Variants in SGIP1 observed in about 807,000 individuals in gnomAD.
The protein encoded by SGIP1 is SH3-containing GRB2-like protein 3-interacting protein 1.
SGIP1 carries 38 observed loss-of-function variants against 107.5 expected under a neutral mutation model. That is an observed-to-expected ratio of 0.35 (90% CI 0.27 to 0.46). The LOEUF (loss-of-function observed/expected upper bound fraction) is 0.46, where lower values mean the gene tolerates loss of function less well. Ranked by LOEUF, SGIP1 falls within the 20% of genes least tolerant of loss-of-function variation. SGIP1 has a pLI of 1.00. For synonymous variants in SGIP1, 365 were observed against 366.1 expected (o/e 1.00, Z 0.03); for missense variants, 929 against 1,019.5 (o/e 0.91, Z 1.21).
chr1:66,643,565 AT>A lies in SGIP1; in HGVS notation c.307del (p.Ser103LeufsTer34). ...EPGSTKGKHFYSSSESEEEEE... is the reference protein window; with the variant it reads ...EPGSTKGKHFXSSSESEEEEE... Reference sequence around the variant, plus strand: ...CTACCTACCAAAGGAAAGCACTTTTATTCTTCAAGTGAATCGGAAGAAGAAG... The same window carrying A: ...CTACCTACCAAAGGAAAGCACTTTTATCTTCAAGTGAATCGGAAGAAGAAG... On this transcript the variant is annotated frameshift_variant, in exon 7 of 25. Coordinates refer to ENST00000371037, the MANE Select transcript of SGIP1 (RefSeq NM_032291.4). LOFTEE classifies it high-confidence loss of function. 6.2e-7 allele frequency: 1 copy of A among 1,608,892 alleles called. No individual in the cohort carries two copies. Among genetic ancestry groups the A allele is most frequent in the Non-Finnish European group, 8.5e-7 (1 of 1,178,068 alleles).
intron 7 of SGIP1, among the ~76,000 whole-genome samples, chr1:66,659,152 A>C (rs80068226): frequency 1.3e-5 from 2 of 152,292 alleles, no homozygotes; most frequent in East Asian, 3.9e-4. Flanking sequence ...TTAAGGGCAG[A>C]ATGATATATT....
At chr1:66,658,561 G>A (rs2080247220) in intron 7 of SGIP1, among the ~76,000 whole-genome samples, 1 of 152,136 alleles carries the variant, frequency 6.6e-6, no homozygotes, top group African/African-American at 2.4e-5. Flanking sequence ...TCAAACATTT[G>A]TATAATGTTT....
intron 1 of SGIP1, among the ~76,000 whole-genome samples, chr1:66,571,912 T>C (rs757526068): frequency 1.3e-5 from 2 of 152,064 alleles, no homozygotes; most frequent in Admixed American, 1.3e-4. Flanking sequence ...CCTAAAGTCA[T>C]AGCACAAAAT....
intron 2 of SGIP1, among the ~76,000 whole-genome samples, chr1:66,626,393 C>T (rs1424887524): frequency 6.6e-6 from 1 of 152,036 alleles, no homozygotes; most frequent in African/African-American, 2.4e-5. Flanking sequence ...AATTGTAAAT[C>T]AACCAACAGA....
intron 11 of SGIP1, among the ~76,000 whole-genome samples, chr1:66,673,007 A>T (rs2084210873): frequency 6.6e-6 from 1 of 152,106 alleles, no homozygotes; most frequent in Non-Finnish European, 1.5e-5. Context: ...TGAAAGAGTT[A>T]TTCTCCTTCA....
intron 1 of SGIP1, among the ~76,000 whole-genome samples, chr1:66,597,221 C>T (rs2064881822): frequency 6.6e-6 from 1 of 152,226 alleles, no homozygotes; most frequent in East Asian, 1.9e-4. Flanking sequence ...AACCTCCACC[C>T]TGAAGTAGGC....
At position 66,660,498 on chromosome 1, in the gene SGIP1, T is replaced by C. The variant is rs1196228433; in HGVS notation, c.460-15T>C. The C allele has an allele frequency of 6.2e-7, 1 of 1,608,892 alleles. No individual in the cohort carries two copies. Among genetic ancestry groups the C allele is most frequent in the African/African-American group, 1.3e-5 (1 of 74,910 alleles). On this transcript the variant is annotated splice_polypyrimidine_tract_variant and intron_variant, in intron 7 of 24. Coordinates refer to ENST00000371037, the MANE Select transcript of SGIP1 (RefSeq NM_032291.4). ...ATTTTCTCTTTATTCTTCCTCCCCA[T>C]GCCTACGCTTTTAGAGGAAAAGTCC... is the stretch of plus-strand genomic sequence containing the variant.
At chr1:66,713,553 A>G (rs571548882) in intron 18 of SGIP1, among the ~76,000 whole-genome samples, 9 of 152,154 alleles carry the variant, frequency 5.9e-5, no homozygotes, top group Non-Finnish European at 1.2e-4. Flanking sequence ...GTAAATTATT[A>G]TTAACAGCAA....
At chr1:66,669,041 T>A (rs192841871) in intron 9 of SGIP1, among the ~76,000 whole-genome samples, 1 of 152,362 alleles carries the variant, frequency 6.6e-6, no homozygotes, top group East Asian at 1.9e-4. Flanking sequence ...GACTTTCTTT[T>A]CTGTTGCTGC....
chr1:66,641,157 A>G (rs1275888954), intron 5 of SGIP1, among the ~76,000 whole-genome samples: 1 of 152,212 alleles, frequency 6.6e-6, no homozygotes, highest in Non-Finnish European at 1.5e-5. Flanking sequence ...GATGAAGTCT[A>G]GATATCTAAT....
In SGIP1 at chr1:66,735,648, G is replaced by A. The variant is rs1425960282; in HGVS notation, c.2031+1768G>A. On this transcript the variant is annotated intron_variant, in intron 21 of 24. Transcript: ENST00000371037. ...ATCCTGGCTAACAAGGTGAAACCCCGTCTCTACTAAAAATACAAAAAATTA... is the reference window on the plus strand; with the variant it reads ...ATCCTGGCTAACAAGGTGAAACCCCATCTCTACTAAAAATACAAAAAATTA... Among the ~76,000 whole-genome samples, 7 of 46,920 alleles carry A rather than the reference G, an allele frequency of 1.5e-4. 2 individuals carry two copies. The South Asian group carries it at 1.9e-3, about 12-fold the overall frequency. The allele number at this position is 46,920 out of a possible 152,430, so 30.8% of individuals were successfully genotyped here.
chr1:66,682,157 G>A lies in SGIP1; in HGVS notation c.1103G>A (p.Arg368His), dbSNP rs143518805. Reference protein sequence around the residue: ...TGPPGPPGPPRNVLSPLNLEE... With the variant: ...TGPPGPPGPPHNVLSPLNLEE... ...CCCCCAGGGCCTCCTGGGCCTCCTC[G>A]CAATGTACTATCGCCGCTCAATTTA... is the stretch of plus-strand genomic sequence containing the variant. The change falls in exon 15 of 25, where the codon CGC (arginine) becomes CAC (histidine). Residue 368 changes from arginine to histidine, a missense_variant. Arg to His is a conservative substitution (Grantham distance 29). Around this residue, in one of 2 missense-constraint regions of SGIP1, gnomAD observed 588 missense variants for 588.6 expected, o/e 1.00. Coordinates refer to ENST00000371037, the MANE Select transcript of SGIP1 (RefSeq NM_032291.4). 4.0e-5 allele frequency: 65 copies of A among 1,614,180 alleles called. No individual in the cohort carries two copies. The highest frequency in any genetic ancestry group is 5.1e-5 in the Non-Finnish European group (60 of 1,180,028).
Position 66,713,515 on chromosome 1 carries a change from A to G in SGIP1, c.1631-5779A>G, listed in dbSNP as rs551266750. Among the ~76,000 whole-genome samples, 5 of 152,316 alleles carry G rather than the reference A, an allele frequency of 3.3e-5. No homozygotes were observed. In the East Asian group the frequency reaches 7.7e-4, roughly 24 times the overall value. ...GAAGGACAGACATAAAATCCATGTC[A>G]ATAAATACTGCCTCCATTGAATTCT... On this transcript the variant is annotated intron_variant, in intron 18 of 24. Transcript: ENST00000371037.
chr1:66,738,672 G>A (rs1370096851), intron 21 of SGIP1, among the ~76,000 whole-genome samples: 2 of 152,154 alleles, frequency 1.3e-5, no homozygotes, highest in Non-Finnish European at 2.9e-5. Context: ...GTAAAAACTA[G>A]AAGTAACTTC....
intron 1 of SGIP1, among the ~76,000 whole-genome samples, chr1:66,582,274 A>G (rs10128053): frequency 0.19 from 28,588 of 152,016 alleles, 3,188 homozygotes; most frequent in African/African-American, 0.31. Flanking sequence ...TTTGTATAAC[A>G]TTGCCTCTGA....
intron 8 of SGIP1, among the ~76,000 whole-genome samples, chr1:66,662,731 G>A (rs1168078235): frequency 6.6e-6 from 1 of 152,094 alleles, no homozygotes; most frequent in African/African-American, 2.4e-5. Context: ...TCTCTAAGTT[G>A]AACACCAAAA....
At chr1:66,701,337 C>G (rs1292127463) in intron 18 of SGIP1, among the ~76,000 whole-genome samples, 1 of 152,116 alleles carries the variant, frequency 6.6e-6, no homozygotes, top group Non-Finnish European at 1.5e-5. Context: ...CCCTTTCAAT[C>G]AATAACAGGA....
intron 4 of SGIP1, 70 bp from the exon 5 acceptor site, chr1:66,639,707 T>C: frequency 7.8e-7 from 1 of 1,276,452 alleles, no homozygotes; most frequent in Non-Finnish European, 1.1e-6. Flanking sequence ...AGATAAGAGT[T>C]AAATGTTCTT....
chr1:66,683,976 C>CA lies in SGIP1; in HGVS notation c.1315+1610dup, dbSNP rs1372368414. 2.2e-6 allele frequency: 3 copies of CA among 1,383,106 alleles called. No individual in the cohort carries two copies. The Admixed American group carries it at 7.1e-5, about 33-fold the overall frequency. The allele number at this position is 1,383,106 out of a possible 1,614,324, so 85.7% of individuals were successfully genotyped here. A position where few individuals can be genotyped will look rare whatever the true frequency, so the allele number is the denominator to read the frequency against. ...AAGTGACCCACCTGCCTCAGCCTCC[C>CA]AAAGTGCTGGGATTATAGGCTTGAG... On this transcript the variant is annotated intron_variant, in intron 15 of 24. Transcript: ENST00000371037.
Sources: allele counts gnomAD v4.1 joint callset (sites outside exome capture counted in the v4.1 genomes callset), GRCh38; gene constraint gnomAD v4.1.1; regional missense constraint gnomAD v4.1.1; transcripts MANE v1.5; gene names NCBI Gene and HGNC (gene_info 2026-07-23, HGNC 2026-07-21).